Variants in MAD1L1 observed in about 807,000 individuals in gnomAD.
MAD1L1 encodes mitotic arrest deficient 1 like 1.
In MAD1L1, 95 loss-of-function variants were observed where a neutral mutation model predicts 96.9. The ratio of observed to expected loss-of-function variants is 0.98; its 90% CI spans 0.83 to 1.16. The LOEUF (loss-of-function observed/expected upper bound fraction) is 1.16. MAD1L1 is among the 50% of genes most tolerant of loss of function. The probability of loss-of-function intolerance (pLI) is 0.00; values close to 1 mark genes in which losing one functional copy is unlikely to be tolerated. For synonymous variants in MAD1L1, 473 were observed against 396.6 expected, an observed-to-expected ratio of 1.19 and a Z score of -2.29; for missense variants, 1,007 against 954.4, an observed-to-expected ratio of 1.06 and a Z score of -0.73.
intron 11 of MAD1L1, among the ~76,000 whole-genome samples, chr7:2,093,217 C>G (rs1786303584): frequency 7.1e-6 from 1 of 140,822 alleles, no homozygotes; most frequent in South Asian, 2.2e-4. Flanking sequence ...TGCACTCCAG[C>G]CTGGGGGACA....
rs373398447 is a variant in MAD1L1 at position 1,882,323 on chromosome 7, G to A, written c.1998+15877C>T. Among the ~76,000 whole-genome samples the A allele has an allele frequency of 1.3e-3, 199 of 152,366 alleles. 5 individuals are homozygous for A. In the South Asian group the frequency reaches 0.039, roughly 30 times the overall value. ...CTGAAGCAACAAGATGGGACGTGAA[G>A]TCAGCATGCGTTGAAAGCAACTCCA... On this transcript the variant is annotated intron_variant, in intron 18 of 18. Transcript: ENST00000265854.
intron 12 of MAD1L1, among the ~76,000 whole-genome samples, chr7:2,054,934 C>T (rs777952482): frequency 7.2e-5 from 11 of 152,226 alleles, no homozygotes; most frequent in African/African-American, 1.2e-4. Flanking sequence ...GAGGCTAAAG[C>T]CCAGGAGACA....
At chr7:2,037,838 A>G (rs1035354389) in intron 12 of MAD1L1, among the ~76,000 whole-genome samples, 1 of 152,094 alleles carries the variant, frequency 6.6e-6, no homozygotes, top group African/African-American at 2.4e-5. Context: ...CAGGCCAATT[A>G]ATAACCCTAC....
At chr7:1,869,703 T>G (rs1784950474) in intron 18 of MAD1L1, among the ~76,000 whole-genome samples, 1 of 152,198 alleles carries the variant, frequency 6.6e-6, no homozygotes, top group Non-Finnish European at 1.5e-5. Flanking sequence ...ATCAGCACTG[T>G]CACACTAGCA....
intron 10 of MAD1L1, among the ~76,000 whole-genome samples, chr7:2,189,139 T>A (rs1237345108): frequency 2.6e-5 from 4 of 151,918 alleles, no homozygotes; most frequent in Admixed American, 2.6e-4. Flanking sequence ...CACCTCACAC[T>A]CATTAGGATG....
chr7:1,825,725 G>A (rs1217059848), intron 18 of MAD1L1, among the ~76,000 whole-genome samples: 1 of 152,212 alleles, frequency 6.6e-6, no homozygotes, highest in Non-Finnish European at 1.5e-5. Context: ...TCCCTAAAAC[G>A]TCTCAGGGGC....
At chr7:2,164,242 G>T (rs1790309229) in intron 10 of MAD1L1, among the ~76,000 whole-genome samples, 1 of 152,208 alleles carries the variant, frequency 6.6e-6, no homozygotes, top group Non-Finnish European at 1.5e-5. Flanking sequence ...AACATCCTCA[G>T]GCACTGTTCC....
intron 18 of MAD1L1, among the ~76,000 whole-genome samples, chr7:1,864,595 C>A (rs528382196): frequency 2.0e-5 from 3 of 152,248 alleles, no homozygotes; most frequent in African/African-American, 7.2e-5. Context: ...ATGCCCAGAA[C>A]TGCTGCAGCG....
chr7:2,204,412 G>A (rs1018670808), intron 10 of MAD1L1, among the ~76,000 whole-genome samples: 7 of 152,184 alleles, frequency 4.6e-5, no homozygotes, highest in Admixed American at 6.5e-5. Flanking sequence ...CCTGTGCGGC[G>A]ATCACATCCA....
At chr7:2,175,481 A>G (rs1047985270) in intron 10 of MAD1L1, 19 of 135,622 alleles carry the variant, frequency 1.4e-4, no homozygotes, top group African/African-American at 5.0e-4. Context: ...CCTTATTCAC[A>G]TGAACCTTTG....
chr7:1,929,302 A>C (rs532420159), intron 17 of MAD1L1, among the ~76,000 whole-genome samples: 4 of 152,244 alleles, frequency 2.6e-5, no homozygotes, highest in South Asian at 4.1e-4. Flanking sequence ...ACAGGCAGTG[A>C]CAAATTTGAT....
chr7:1,941,349 C>T (rs1778988463), intron 16 of MAD1L1, among the ~76,000 whole-genome samples: 2 of 152,154 alleles, frequency 1.3e-5, no homozygotes, highest in African/African-American at 4.8e-5. Context: ...TGAGGTTTCC[C>T]CCCTGATGGG....
intron 16 of MAD1L1, among the ~76,000 whole-genome samples, chr7:1,953,558 G>C (rs1175556103): frequency 6.6e-6 from 1 of 152,228 alleles, no homozygotes; most frequent in Non-Finnish European, 1.5e-5. Context: ...TTAATTACAC[G>C]CACACTGAGG....
At chr7:2,108,234 G>C (rs1787195735) in intron 11 of MAD1L1, among the ~76,000 whole-genome samples, 1 of 152,100 alleles carries the variant, frequency 6.6e-6, no homozygotes, top group African/African-American at 2.4e-5. Flanking sequence ...TATCATAGCA[G>C]GCTTAATTGG....
intron 10 of MAD1L1, among the ~76,000 whole-genome samples, chr7:2,178,533 G>A (rs1041530153): frequency 6.6e-6 from 1 of 152,196 alleles, no homozygotes; most frequent in African/African-American, 2.4e-5. Context: ...AAGAAGAGGG[G>A]AATTCACCCA....
chr7:1,888,950 A>G (rs930816952), intron 18 of MAD1L1, among the ~76,000 whole-genome samples: 1 of 152,196 alleles, frequency 6.6e-6, no homozygotes, highest in African/African-American at 2.4e-5. Flanking sequence ...GAGCCATGAA[A>G]GCTTCCATGA....
intron 11 of MAD1L1, among the ~76,000 whole-genome samples, chr7:2,129,528 G>C (rs537764845): frequency 6.6e-6 from 1 of 152,274 alleles, no homozygotes; most frequent in South Asian, 2.1e-4. Context: ...GCTTCTCAGA[G>C]TCCAGTCACA....
chr7:2,146,558 G>A lies in MAD1L1; in HGVS notation c.1073+2594C>T, dbSNP rs1239907000. 6.6e-6 allele frequency among the ~76,000 whole-genome samples: 1 copy of A among 152,210 alleles called. No individual in the cohort carries two copies. Among genetic ancestry groups the A allele is most frequent in the African/African-American group, 2.4e-5 (1 of 41,450 alleles). On this transcript the variant is annotated intron_variant, in intron 11 of 18. Transcript: ENST00000265854. This position sits in a 1 kb window ranked among gnomAD's most constrained non-coding sequence, Gnocchi z 6.2. Reference sequence around the variant, plus strand: ...CGTGGTCACAAGCACGTGCCCGCTGGTCCGCACAGACGAGGGAAAATGCCC... The same window carrying A: ...CGTGGTCACAAGCACGTGCCCGCTGATCCGCACAGACGAGGGAAAATGCCC...
chr7:1,944,456 G>C (rs545460564), intron 16 of MAD1L1, among the ~76,000 whole-genome samples: 3 of 152,164 alleles, frequency 2.0e-5, no homozygotes, highest in Non-Finnish European at 4.4e-5. Context: ...CAGAGCCTGC[G>C]GGGCTGAAAC....
Sources: allele counts gnomAD v4.1 joint callset (sites outside exome capture counted in the v4.1 genomes callset), GRCh38; gene constraint gnomAD v4.1.1; non-coding constraint Gnocchi (gnomAD v3.1); transcripts MANE v1.5; gene names NCBI Gene and HGNC (gene_info 2026-07-23, HGNC 2026-07-21).